Variants in SORL1 observed in about 807,000 individuals in gnomAD.
SORL1 encodes the protein sortilin related receptor 1, also known as sortilin-related receptor.
A neutral mutation model predicts 273.7 loss-of-function variants in SORL1; 127 were observed. The observed-to-expected ratio is 0.46, with a 90% confidence interval of 0.40 to 0.54. The LOEUF (loss-of-function observed/expected upper bound fraction) is 0.54. Ranked by LOEUF, SORL1 falls within the 20% of genes least tolerant of loss-of-function variation. The probability of loss-of-function intolerance (pLI) is 0.00; values close to 1 mark genes in which losing one functional copy is unlikely to be tolerated. For synonymous variants in SORL1, 1,031 were observed against 1,067.4 expected (o/e 0.97, Z 0.66); for missense variants, 2,494 against 2,846.1 (o/e 0.88, Z 2.81).
chr11:121,524,991 G>C (rs1014353383), intron 11 of SORL1, among the ~76,000 whole-genome samples: 2 of 151,972 alleles, frequency 1.3e-5, no homozygotes, highest in Non-Finnish European at 1.5e-5. Flanking sequence ...AGCAGATAAG[G>C]GGACAGTACA....
chr11:121,460,170 T>A (rs1241576732), intron 1 of SORL1, among the ~76,000 whole-genome samples: 2 of 152,202 alleles, frequency 1.3e-5, no homozygotes, highest in Non-Finnish European at 2.9e-5. Context: ...GGGGGTTTTT[T>A]AAATGAAGAA....
chr11:121,482,965 T>G (rs971727453), intron 3 of SORL1, among the ~76,000 whole-genome samples: 8 of 152,242 alleles, frequency 5.3e-5, no homozygotes. Flanking sequence ...CACTTCCTTC[T>G]TGGTCTCCTG....
At chr11:121,617,239 G>C (rs1179686827) in intron 41 of SORL1, among the ~76,000 whole-genome samples, 1 of 152,236 alleles carries the variant, frequency 6.6e-6, no homozygotes, top group Non-Finnish European at 1.5e-5. Context: ...ATCTAGCTAT[G>C]TTAATAGAGA....
intron 30 of SORL1, chr11:121,590,377 G>A (rs1310138377): frequency 3.6e-5 from 20 of 552,170 alleles, no homozygotes; most frequent in African/African-American, 2.5e-4. Flanking sequence ...TATTTATTCC[G>A]TATTTGCAGG....
At chr11:121,484,975 G>T (rs546266418) in intron 3 of SORL1, among the ~76,000 whole-genome samples, 18 of 152,158 alleles carry the variant, frequency 1.2e-4, no homozygotes, top group Non-Finnish European at 2.4e-4. Flanking sequence ...GGCTGGTCTC[G>T]AACCCCTGAC....
intron 40 of SORL1, among the ~76,000 whole-genome samples, chr11:121,613,565 A>G (rs1003155642): frequency 3.3e-5 from 5 of 152,114 alleles, no homozygotes; most frequent in African/African-American, 1.2e-4. Flanking sequence ...CTGAAAGTCT[A>G]CAAGGTGCCC....
intron 2 of SORL1, among the ~76,000 whole-genome samples, chr11:121,477,758 G>A (rs1269550281): frequency 2.0e-5 from 3 of 152,128 alleles, no homozygotes; most frequent in South Asian, 2.1e-4. Context: ...GCTTGGGCTC[G>A]GTGGCTCATG....
At chr11:121,516,665 C>T (rs781270891) in intron 8 of SORL1, among the ~76,000 whole-genome samples, 2 of 152,210 alleles carry the variant, frequency 1.3e-5, no homozygotes, top group Non-Finnish European at 2.9e-5. Flanking sequence ...ATAAACCATT[C>T]CTGCCATGAT....
rs779427304 is a variant in SORL1, at chr11:121,604,236, C to T, written c.4563C>T (p.Cys1521=). The stretch of plus-strand genomic sequence containing the variant: ...CTTGCATGAGCAGGGAGTTCCAGTG[C>T]GAGGACGGGGAGGCCTGCATTGTGC... ...TLTCMSREFQ[C]EDGEACIVLS... is the part of the protein sequence containing the mutation. The change falls in exon 33 of 48, where the codon TGC becomes TGT. Residue 1521 remains cysteine (C), a synonymous_variant. Coordinates refer to ENST00000260197, the MANE Select transcript of SORL1 (RefSeq NM_003105.6). 11 of 1,614,082 alleles carry T rather than the reference C, an allele frequency of 6.8e-6. No homozygotes were observed. Among genetic ancestry groups the T allele is most frequent in the East Asian group, 4.5e-5 (2 of 44,882 alleles).
intron 21 of SORL1, among the ~76,000 whole-genome samples, chr11:121,562,665 A>G (rs1171391500): frequency 6.6e-6 from 1 of 152,156 alleles, no homozygotes; most frequent in African/African-American, 2.4e-5. Context: ...TGATGACCCT[A>G]CACCTCAAGA....
intron 12 of SORL1, among the ~76,000 whole-genome samples, chr11:121,538,278 G>C (rs1862295580): frequency 6.6e-6 from 1 of 151,482 alleles, no homozygotes; most frequent in African/African-American, 2.4e-5. Context: ...TGCATGTCAA[G>C]ATGTAGAGTA....
chr11:121,578,301 T>C (rs1363479281), intron 25 of SORL1, among the ~76,000 whole-genome samples: 1 of 152,238 alleles, frequency 6.6e-6, no homozygotes, highest in Non-Finnish European at 1.5e-5. Context: ...GTGTAATTCA[T>C]TGTTGAGTCA....
chr11:121,567,134 TG>T, intron 22 of SORL1, 21 bp downstream of exon 22: 1 of 1,600,880 alleles, frequency 6.2e-7, no homozygotes, highest in South Asian at 1.1e-5. Flanking sequence ...TTTTCTTTTT[TG>T]CCTGTCATCC....
intron 3 of SORL1, among the ~76,000 whole-genome samples, chr11:121,487,224 A>G (rs1011341453): frequency 2.0e-5 from 3 of 152,032 alleles, no homozygotes; most frequent in Admixed American, 6.6e-5. Flanking sequence ...TTAGATTTTG[A>G]GCTACTTGAG....
chr11:121,612,975 T>C, intron 40 of SORL1, 143 bp downstream of exon 40: 1 of 624,370 alleles, frequency 1.6e-6, no homozygotes, highest in Non-Finnish European at 2.9e-6. Flanking sequence ...TTCTTGTGCA[T>C]TGAGGATCCT....
intron 1 of SORL1, among the ~76,000 whole-genome samples, chr11:121,460,508 G>A (rs766777027): frequency 6.7e-6 from 1 of 150,006 alleles, no homozygotes; most frequent in Non-Finnish European, 1.5e-5. Context: ...CGATTCTTGT[G>A]CCTCAGCCTC....
At chr11:121,593,632 G>A (rs1314978382) in intron 31 of SORL1, among the ~76,000 whole-genome samples, 1 of 148,980 alleles carries the variant, frequency 6.7e-6, no homozygotes, top group East Asian at 1.9e-4. Context: ...CCTTGTTTGG[G>A]TGGAGTGCAT....
At chr11:121,526,135 G>A (rs1052410553) in intron 11 of SORL1, among the ~76,000 whole-genome samples, 1 of 152,110 alleles carries the variant, frequency 6.6e-6, no homozygotes, top group African/African-American at 2.4e-5. Flanking sequence ...CAGGTCTTTT[G>A]TATGATATAT....
chr11:121,515,430 C>A (rs530855374), intron 8 of SORL1, among the ~76,000 whole-genome samples: 1 of 151,992 alleles, frequency 6.6e-6, no homozygotes, highest in East Asian at 1.9e-4. Context: ...CCAGGCAGAC[C>A]CCTGGGGGAG....
Sources: gnomAD v4.1 joint callset for allele counts (sites outside exome capture counted in the v4.1 genomes callset) on GRCh38, gnomAD v4.1.1 for gene constraint, MANE v1.5 for transcripts, NCBI Gene and HGNC (gene_info 2026-07-23, HGNC 2026-07-21) for gene names.